Variants in SLC35F1 observed in about 807,000 individuals in gnomAD.
The protein encoded by SLC35F1 is solute carrier family 35 member F1, also known as chromosome 6 open reading frame 169.
In SLC35F1, 14 loss-of-function variants were observed where a neutral mutation model predicts 48.7. That is an observed-to-expected ratio of 0.29 (90% CI 0.19 to 0.45). The LOEUF (loss-of-function observed/expected upper bound fraction) is 0.45, where lower values mean the gene tolerates loss of function less well. Ranked by LOEUF, SLC35F1 falls within the 20% of genes least tolerant of loss-of-function variation. SLC35F1 has a pLI of 1.00. For missense variants in SLC35F1, 404 were observed against 500.0 expected, an observed-to-expected ratio of 0.81 and a Z score of 1.83; for synonymous variants, 190 against 202.2, an observed-to-expected ratio of 0.94 and a Z score of 0.51.
chr6:118,126,298 C>A (rs137873256), intron 1 of SLC35F1, among the ~76,000 whole-genome samples: 1,901 of 152,152 alleles, frequency 0.012, 35 homozygotes, highest in African/African-American at 0.042. Context: ...TGTAGATATG[C>A]GGCGTTATTT....
At chr6:117,969,855 T>G (rs1379107399) in intron 1 of SLC35F1, among the ~76,000 whole-genome samples, 1 of 152,198 alleles carries the variant, frequency 6.6e-6, no homozygotes, top group Non-Finnish European at 1.5e-5. Context: ...GATCATCCCT[T>G]TAGGATAAAT....
intron 3 of SLC35F1, among the ~76,000 whole-genome samples, chr6:118,262,044 G>T (rs928841396): frequency 1.3e-5 from 2 of 152,170 alleles, no homozygotes; most frequent in African/African-American, 4.8e-5. Context: ...AGACACACCA[G>T]CTGTAAAGAG....
intron 1 of SLC35F1, among the ~76,000 whole-genome samples, chr6:117,945,109 G>A (rs1371921792): frequency 6.6e-6 from 1 of 152,130 alleles, no homozygotes; most frequent in Non-Finnish European, 1.5e-5. Context: ...ATATGGTATG[G>A]TAATGGCTGA....
chr6:118,308,812 A>G (rs1055078347), intron 7 of SLC35F1, among the ~76,000 whole-genome samples: 3 of 152,168 alleles, frequency 2.0e-5, no homozygotes, highest in Admixed American at 1.3e-4. Flanking sequence ...TATGCAGTTC[A>G]TGGACCAGTT....
chr6:118,065,383 A>G (rs936211254), intron 1 of SLC35F1, among the ~76,000 whole-genome samples: 1 of 152,142 alleles, frequency 6.6e-6, no homozygotes, highest in Non-Finnish European at 1.5e-5. Context: ...ATGGACTTAT[A>G]CTGTACTATA....
chr6:117,960,940 A>C (rs1031247607), intron 1 of SLC35F1, among the ~76,000 whole-genome samples: 9 of 152,186 alleles, frequency 5.9e-5, no homozygotes, highest in Admixed American at 2.0e-4. Flanking sequence ...GGAGAAAGAC[A>C]TGTGCCATAT....
At chr6:118,095,422 C>T (rs895337764) in intron 1 of SLC35F1, among the ~76,000 whole-genome samples, 4 of 152,172 alleles carry the variant, frequency 2.6e-5, no homozygotes, top group Non-Finnish European at 5.9e-5. Context: ...GATGATATTT[C>T]CTACCAGGCA....
chr6:118,224,327 A>C (rs1362556145), intron 2 of SLC35F1, among the ~76,000 whole-genome samples: 3 of 152,200 alleles, frequency 2.0e-5, no homozygotes, highest in Non-Finnish European at 4.4e-5. Flanking sequence ...GCAGTCATTC[A>C]AGATAGCAAA....
At chr6:118,252,312 G>T (rs1204530674) in intron 3 of SLC35F1, among the ~76,000 whole-genome samples, 1 of 152,098 alleles carries the variant, frequency 6.6e-6, no homozygotes, top group Non-Finnish European at 1.5e-5. Context: ...TGTGGATAGA[G>T]GTGGTTTGAT....
chr6:118,058,022 G>C (rs1772487000), intron 1 of SLC35F1, among the ~76,000 whole-genome samples: 1 of 152,122 alleles, frequency 6.6e-6, no homozygotes, highest in East Asian at 1.9e-4. Context: ...GCACTTTCCT[G>C]TTATATCTTG....
intron 1 of SLC35F1, among the ~76,000 whole-genome samples, chr6:117,956,110 C>G (rs896230314): frequency 5.3e-5 from 8 of 152,212 alleles, no homozygotes; most frequent in Admixed American, 1.3e-4. Flanking sequence ...CCAACCAGAG[C>G]TGAATGTAGT....
intron 1 of SLC35F1, among the ~76,000 whole-genome samples, chr6:117,923,691 G>GTATATATATATA (rs1562238793): frequency 1.3e-4 from 1 of 7,424 alleles, no homozygotes; most frequent in Admixed American, 1.4e-3. Flanking sequence ...ATATACATAT[G>GTATATATATATA]TACATATACA....
chr6:118,270,911 C>T (rs929222640), intron 4 of SLC35F1, among the ~76,000 whole-genome samples: 1 of 152,146 alleles, frequency 6.6e-6, no homozygotes, highest in Non-Finnish European at 1.5e-5. Flanking sequence ...AAAACCTAAT[C>T]AAAATAGCTC....
intron 1 of SLC35F1, among the ~76,000 whole-genome samples, chr6:117,940,192 C>T (rs1385939588): frequency 2.6e-5 from 4 of 152,126 alleles, no homozygotes; most frequent in East Asian, 3.9e-4. Context: ...GCTTTTGATT[C>T]ATTATATATC....
At chr6:117,985,645 T>C (rs117722678) in intron 1 of SLC35F1, among the ~76,000 whole-genome samples, 1,987 of 152,328 alleles carry the variant, frequency 0.013, 26 homozygotes, top group Non-Finnish European at 0.018. Flanking sequence ...CCGTATGCTC[T>C]GTATGTTGTT....
chr6:118,256,213 T>G (rs1463635137), intron 3 of SLC35F1, among the ~76,000 whole-genome samples: 4 of 44,128 alleles, frequency 9.1e-5, no homozygotes, highest in African/African-American at 3.2e-4. Context: ...CTGGTGTGTG[T>G]GTGTGTGTGT....
At chr6:118,280,459 T>C (rs561704311) in intron 6 of SLC35F1, among the ~76,000 whole-genome samples, 224 of 152,280 alleles carry the variant, frequency 1.5e-3, no homozygotes, top group Middle Eastern at 6.8e-3. Flanking sequence ...TTGTGGTTGA[T>C]GCTTGTCTTG....
At chr6:118,258,567 C>T (rs189234170) in intron 3 of SLC35F1, among the ~76,000 whole-genome samples, 4 of 152,052 alleles carry the variant, frequency 2.6e-5, no homozygotes, top group Admixed American at 6.6e-5. Context: ...TAAATTTCAT[C>T]TGAAGGGAAA....
chr6:118,177,465 T>C (rs1305469378), intron 2 of SLC35F1, among the ~76,000 whole-genome samples: 1 of 152,126 alleles, frequency 6.6e-6, no homozygotes, highest in Non-Finnish European at 1.5e-5. Context: ...CCCTTCCTGC[T>C]ACATGGAATA....
Sources: gnomAD v4.1 joint callset for allele counts (sites outside exome capture counted in the v4.1 genomes callset) on GRCh38, gnomAD v4.1.1 for gene constraint, MANE v1.5 for transcripts, NCBI Gene and HGNC (gene_info 2026-07-23, HGNC 2026-07-21) for gene names.